Variants in CHST11 observed in about 807,000 individuals in gnomAD.
The protein encoded by CHST11 is carbohydrate sulfotransferase 11.
In CHST11, 9 loss-of-function variants were observed where a neutral mutation model predicts 30.4. That is an observed-to-expected ratio of 0.30 (90% CI 0.18 to 0.52). The LOEUF is 0.52. Ranked by LOEUF, CHST11 falls within the 20% of genes least tolerant of loss-of-function variation. The pLI, the probability that CHST11 is intolerant of heterozygous loss-of-function variation, is 0.97. For synonymous variants in CHST11, 152 were observed against 187.8 expected, an observed-to-expected ratio of 0.81 and a Z score of 1.56; for missense variants, 348 against 460.6, an observed-to-expected ratio of 0.76 and a Z score of 2.24.
rs981049942 is a variant in CHST11, at chr12:104,665,976, T to C, written c.204+63985T>C. ...CTGGGATTACAGGTGCCCGTCACCATGCCCAGCTAATGTTTTGTATTTTAA... is the reference window on the plus strand; with the variant it reads ...CTGGGATTACAGGTGCCCGTCACCACGCCCAGCTAATGTTTTGTATTTTAA... On this transcript the variant is annotated intron_variant, in intron 2 of 2. Coordinates refer to ENST00000303694, the MANE Select transcript of CHST11 (RefSeq NM_018413.6). Among the ~76,000 whole-genome samples the C allele has an allele frequency of 5.3e-5, 8 of 151,930 alleles. No individual in the cohort carries two copies. The South Asian group carries it at 1.0e-3, about 20-fold the overall frequency.
chr12:104,580,687 G>T (rs1002043023), intron 1 of CHST11, among the ~76,000 whole-genome samples: 1 of 152,176 alleles, frequency 6.6e-6, no homozygotes, highest in African/African-American at 2.4e-5. Context: ...GGGCCAGGAG[G>T]ATTTTGTCAA....
At chr12:104,472,425 A>G (rs1324831670) in intron 1 of CHST11, among the ~76,000 whole-genome samples, 1 of 152,056 alleles carries the variant, frequency 6.6e-6, no homozygotes, top group Non-Finnish European at 1.5e-5. Flanking sequence ...CTCTAAAGTC[A>G]TTTCAGGCCT....
chr12:104,465,932 C>T (rs891234016), intron 1 of CHST11, among the ~76,000 whole-genome samples: 16 of 151,756 alleles, frequency 1.1e-4, no homozygotes, highest in East Asian at 1.9e-4. Context: ...GTAGTGGCAC[C>T]GTCTGGCTCC....
rs140486952 is a variant in CHST11 at position 104,761,464 on chromosome 12, T to TACACACACACACACACACACAC, written c.*3677_*3698dup. On this transcript the variant is annotated 3_prime_UTR_variant, in exon 3 of 3. Transcript: ENST00000303694. ...CTTGCTTTCCTAGCCAGTCCTCCCC[T>TACACACACACACACACACACAC]ACACACACACACACACACACACACA... The TACACACACACACACACACACAC allele has an allele frequency of 4.7e-4, 67 of 142,930 alleles. No individual in the cohort carries two copies. Among genetic ancestry groups the TACACACACACACACACACACAC allele is most frequent in the African/African-American group, 1.6e-3 (59 of 36,730 alleles). 8.9% of individuals were successfully genotyped at this position (142,930 alleles called of 1,614,324 possible).
At chr12:104,573,156 T>C (rs200266383) in intron 1 of CHST11, among the ~76,000 whole-genome samples, 2 of 151,972 alleles carry the variant, frequency 1.3e-5, no homozygotes, top group South Asian at 2.1e-4. Flanking sequence ...CTTACAAGGA[T>C]GTGAAGGACC....
rs183659006 is a variant in CHST11, at chr12:104,644,150, G to A, written c.204+42159G>A. Among the ~76,000 whole-genome samples the A allele has an allele frequency of 5.5e-3, 837 of 152,198 alleles. 4 individuals carry two copies. The highest frequency in any genetic ancestry group is 8.8e-3 in the Admixed American group (134 of 15,278). ...CTGCTTCCTCCTCACTGTGCTTATTGCTGCTCAGAGGCTGCTGGGAAATCT... is the reference window on the plus strand; with the variant it reads ...CTGCTTCCTCCTCACTGTGCTTATTACTGCTCAGAGGCTGCTGGGAAATCT... On this transcript the variant is annotated intron_variant, in intron 2 of 2. Transcript: ENST00000303694.
At chr12:104,711,967 G>A (rs1592852839) in intron 2 of CHST11, among the ~76,000 whole-genome samples, 2 of 152,308 alleles carry the variant, frequency 1.3e-5, no homozygotes, top group East Asian at 3.9e-4. Context: ...GGCAGCACCT[G>A]ATGTTGGAAG....
chr12:104,751,966 A>G (rs2040435551), intron 2 of CHST11, among the ~76,000 whole-genome samples: 2 of 152,214 alleles, frequency 1.3e-5, no homozygotes, highest in East Asian at 1.9e-4. Flanking sequence ...GTTTAGTACC[A>G]ACTTGCTCAA....
At chr12:104,672,653 AC>A (rs2039706934) in intron 2 of CHST11, among the ~76,000 whole-genome samples, 1 of 152,052 alleles carries the variant, frequency 6.6e-6, no homozygotes, top group African/African-American at 2.4e-5. Context: ...GGGCAAGATT[AC>A]TCACCATGAC....
chr12:104,636,209 T>A (rs1198093585), intron 2 of CHST11, among the ~76,000 whole-genome samples: 2 of 152,194 alleles, frequency 1.3e-5, no homozygotes, highest in East Asian at 3.9e-4. Context: ...TTCTGTGTTG[T>A]TCAGTGTCCT....
intron 1 of CHST11, among the ~76,000 whole-genome samples, chr12:104,518,039 C>T (rs1022623346): frequency 6.6e-6 from 1 of 152,088 alleles, no homozygotes; most frequent in African/African-American, 2.4e-5. Flanking sequence ...CGCCTGTAAT[C>T]CCAGCACTTT....
intron 1 of CHST11, among the ~76,000 whole-genome samples, chr12:104,571,972 CAT>C (rs2038630704): frequency 6.6e-6 from 1 of 152,204 alleles, no homozygotes; most frequent in Admixed American, 6.5e-5. Context: ...TTCAGATAAT[CAT>C]GTGGTTTTTG....
Position 104,457,078 on chromosome 12 carries a change from C to T in CHST11, c.-334C>T, listed in dbSNP as rs1239323082. 9.9e-6 allele frequency: 2 copies of T among 202,076 alleles called. No homozygotes were observed. The highest frequency in any genetic ancestry group is 2.0e-5 in the Non-Finnish European group (2 of 101,318). The allele number at this position is 202,076 out of a possible 1,614,324, so 12.5% of individuals were successfully genotyped here. On this transcript the variant is annotated 5_prime_UTR_variant, in exon 1 of 3. Coordinates refer to ENST00000303694, the MANE Select transcript of CHST11 (RefSeq NM_018413.6). ...GCGGCAGCGGCGGCGGCACCACCAT[C>T]ACCGCTCGCACCCCAGCCGCCCGGC...
intron 1 of CHST11, among the ~76,000 whole-genome samples, chr12:104,599,161 T>A (rs1427764087): frequency 1.3e-5 from 2 of 152,192 alleles, no homozygotes; most frequent in Admixed American, 6.5e-5. Flanking sequence ...GCTTTTGTGG[T>A]CTGGGGAGCC....
chr12:104,611,385 T>G (rs1404698786), intron 2 of CHST11, among the ~76,000 whole-genome samples: 1 of 152,226 alleles, frequency 6.6e-6, no homozygotes, highest in Non-Finnish European at 1.5e-5. Flanking sequence ...TGGACAGTGC[T>G]GGTCTGTAAA....
chr12:104,602,008 C>CTT lies in CHST11; in HGVS notation c.204+18_204+19insTT. ...CCAATCCAGGTAAGCTTCAAGCACTCTGTCAGCATGTGAATTTTTTTTTTT... is the reference window on the plus strand; with the variant it reads ...CCAATCCAGGTAAGCTTCAAGCACTCTTTGTCAGCATGTGAATTTTTTTTTTT... On this transcript the variant is annotated intron_variant, in intron 2 of 2. Coordinates refer to ENST00000303694, the MANE Select transcript of CHST11 (RefSeq NM_018413.6). 1 of 1,579,702 alleles carries CTT rather than the reference C, an allele frequency of 6.3e-7. No individual in the cohort carries two copies. Among genetic ancestry groups the CTT allele is most frequent in the Non-Finnish European group, 8.6e-7 (1 of 1,163,078 alleles).
chr12:104,672,581 CA>C (rs2039706411), intron 2 of CHST11, among the ~76,000 whole-genome samples: 1 of 152,200 alleles, frequency 6.6e-6, no homozygotes, highest in Non-Finnish European at 1.5e-5. Context: ...AGGAATAGAA[CA>C]TGTGAGGATG....
At chr12:104,717,562 A>C (rs2040140696) in intron 2 of CHST11, among the ~76,000 whole-genome samples, 2 of 152,140 alleles carry the variant, frequency 1.3e-5, no homozygotes, top group Admixed American at 1.3e-4. Flanking sequence ...TCATGAGGTC[A>C]GGAGTTCGAG....
At chr12:104,462,180 A>AAAG (rs1451673169) in intron 1 of CHST11, among the ~76,000 whole-genome samples, 2 of 149,518 alleles carry the variant, frequency 1.3e-5, no homozygotes, top group African/African-American at 4.9e-5. Flanking sequence ...AAAAAAAAAA[A>AAAG]AAAAAGAAAA....
Sources: gnomAD v4.1 joint callset for allele counts (sites outside exome capture counted in the v4.1 genomes callset) on GRCh38, gnomAD v4.1.1 for gene constraint, MANE v1.5 for transcripts, NCBI Gene and HGNC (gene_info 2026-07-23, HGNC 2026-07-21) for gene names.